Variants in CDH8 observed in about 807,000 individuals in gnomAD.
CDH8 encodes cadherin-8.
In CDH8, 17 loss-of-function variants were observed where a neutral mutation model predicts 68.1. That is an observed-to-expected ratio of 0.25 (90% CI 0.17 to 0.37). The LOEUF (loss-of-function observed/expected upper bound fraction) is 0.37. Among genes scored for constraint, CDH8 ranks in the 10% least tolerant of loss-of-function variants. CDH8 has a pLI of 1.00. For synonymous variants in CDH8, 372 were observed against 365.1 expected, an observed-to-expected ratio of 1.02 and a Z score of -0.21; for missense variants, 763 against 999.3, an observed-to-expected ratio of 0.76 and a Z score of 3.19.
chr16:61,747,991 G>T (rs1346615545), intron 8 of CDH8, among the ~76,000 whole-genome samples: 1 of 152,008 alleles, frequency 6.6e-6, no homozygotes. Context: ...CCAGTTTGAT[G>T]TAGATTTTTT....
chr16:62,006,280 A>G (rs1291248689), intron 2 of CDH8, among the ~76,000 whole-genome samples: 1 of 152,200 alleles, frequency 6.6e-6, no homozygotes, highest in African/African-American at 2.4e-5. Context: ...TCCCATTTCC[A>G]CAAGAGCCCT....
At chr16:61,921,991 AC>A (rs1205340490) in intron 2 of CDH8, among the ~76,000 whole-genome samples, 1 of 152,114 alleles carries the variant, frequency 6.6e-6, no homozygotes, top group African/African-American at 2.4e-5. Context: ...AGATTGCACC[AC>A]TGCACTCCAG....
At position 61,866,149 on chromosome 16, in the gene CDH8, G is replaced by A. The variant is rs530264823; in HGVS notation, c.548-8911C>T. 4.4e-3 allele frequency among the ~76,000 whole-genome samples: 668 copies of A among 152,038 alleles called. 2 individuals are homozygous for A. The highest frequency in any genetic ancestry group is 7.4e-3 in the Non-Finnish European group (500 of 67,990). ...TGAGGTTGGAGGATCACTTGAGCCC[G>A]GGAAGTTGAGGCCAGAGTGAGCTGT... On this transcript the variant is annotated intron_variant, in intron 3 of 11. Coordinates refer to ENST00000577390, the MANE Select transcript of CDH8 (RefSeq NM_001796.5).
intron 10 of CDH8, chr16:61,693,513 T>C (rs1964272508): frequency 1.3e-5 from 2 of 152,246 alleles, no homozygotes; most frequent in South Asian, 2.1e-4. Context: ...TGCCCTTTGC[T>C]AAGGGTAAAC....
intron 10 of CDH8, among the ~76,000 whole-genome samples, chr16:61,698,365 G>A (rs189239928): frequency 2.6e-5 from 4 of 152,220 alleles, no homozygotes; most frequent in South Asian, 2.1e-4. Context: ...TGGTTTCTTC[G>A]TCTTGTATGC....
chr16:61,958,673 T>C (rs527446645), intron 2 of CDH8, among the ~76,000 whole-genome samples: 1 of 152,186 alleles, frequency 6.6e-6, no homozygotes, highest in Non-Finnish European at 1.5e-5. Context: ...TTCAGAATTA[T>C]TTTATGAAGT....
At chr16:61,696,962 AG>A (rs1964337669) in intron 10 of CDH8, among the ~76,000 whole-genome samples, 1 of 152,132 alleles carries the variant, frequency 6.6e-6, no homozygotes, top group Non-Finnish European at 1.5e-5. Flanking sequence ...GGAGGCAGCA[AG>A]GGTTGAAAAA....
chr16:61,788,914 T>C (rs1248641396), intron 8 of CDH8, among the ~76,000 whole-genome samples: 1 of 152,046 alleles, frequency 6.6e-6, no homozygotes, highest in Non-Finnish European at 1.5e-5. Context: ...TGATAAAGCT[T>C]CCATCTATAT....
chr16:61,952,061 C>A (rs1044313419), intron 2 of CDH8, among the ~76,000 whole-genome samples: 5 of 152,058 alleles, frequency 3.3e-5, no homozygotes, highest in Non-Finnish European at 7.3e-5. Context: ...CTGTGTGGCT[C>A]CCAAAGTTGA....
intron 10 of CDH8, among the ~76,000 whole-genome samples, chr16:61,674,756 T>C (rs1181044228): frequency 6.6e-6 from 1 of 151,604 alleles, no homozygotes; most frequent in Non-Finnish European, 1.5e-5. Context: ...AAGAAAACAA[T>C]AAGAGAAATG....
At chr16:61,789,173 A>G (rs1961318401) in intron 8 of CDH8, among the ~76,000 whole-genome samples, 173 bp downstream of exon 8, 1 of 152,074 alleles carries the variant, frequency 6.6e-6, no homozygotes, top group African/African-American at 2.4e-5. Flanking sequence ...GTAATTTACC[A>G]CAGTGTAAGT....
At chr16:61,970,836 C>G (rs148313930) in intron 2 of CDH8, among the ~76,000 whole-genome samples, 4 of 152,170 alleles carry the variant, frequency 2.6e-5, no homozygotes, top group Admixed American at 6.5e-5. Flanking sequence ...ATGACTTGCA[C>G]GTATACATCC....
intron 8 of CDH8, among the ~76,000 whole-genome samples, chr16:61,734,717 T>C (rs1252076399): frequency 3.3e-5 from 5 of 152,170 alleles, no homozygotes; most frequent in Non-Finnish European, 7.3e-5. Flanking sequence ...GTGTAGTAAA[T>C]ATTCTATCTA....
intron 8 of CDH8, among the ~76,000 whole-genome samples, chr16:61,781,433 A>AAACACC (rs1317251971): frequency 6.6e-6 from 1 of 152,126 alleles, no homozygotes; most frequent in African/African-American, 2.4e-5. Flanking sequence ...TTTCTAAAAA[A>AAACACC]AAAACCAAAA....
chr16:61,738,759 G>C (rs1373768997), intron 8 of CDH8, among the ~76,000 whole-genome samples: 1 of 151,990 alleles, frequency 6.6e-6, no homozygotes, highest in Admixed American at 6.6e-5. Flanking sequence ...GTTGTCCTCT[G>C]TTGTCTATAC....
At chr16:62,030,703 C>T (rs1902304511) in intron 1 of CDH8, among the ~76,000 whole-genome samples, 1 of 152,062 alleles carries the variant, frequency 6.6e-6, no homozygotes, top group African/African-American at 2.4e-5. Flanking sequence ...TATAAATATA[C>T]TGTAATATTT....
intron 10 of CDH8, among the ~76,000 whole-genome samples, chr16:61,697,729 G>C (rs1432772921): frequency 6.6e-6 from 1 of 152,196 alleles, no homozygotes; most frequent in Non-Finnish European, 1.5e-5. Flanking sequence ...GGCCTCAAGT[G>C]ATCTGCCCGC....
chr16:61,828,275 C>T (rs1156581733), intron 4 of CDH8, among the ~76,000 whole-genome samples: 3 of 151,882 alleles, frequency 2.0e-5, no homozygotes, highest in Non-Finnish European at 2.9e-5. Flanking sequence ...GAATAATCCA[C>T]CCATTGTTTA....
At chr16:61,866,871 T>G (rs1166578351) in intron 3 of CDH8, among the ~76,000 whole-genome samples, 1 of 152,308 alleles carries the variant, frequency 6.6e-6, no homozygotes, top group African/African-American at 2.4e-5. Flanking sequence ...TATTTTTATT[T>G]AACAAAGTAT....
Sources: gnomAD v4.1 joint callset for allele counts (sites outside exome capture counted in the v4.1 genomes callset) on GRCh38, gnomAD v4.1.1 for gene constraint, MANE v1.5 for transcripts, NCBI Gene and HGNC (gene_info 2026-07-23, HGNC 2026-07-21) for gene names.